Variants in SNX29 observed in about 807,000 individuals in gnomAD.
SNX29 encodes the protein sorting nexin 29.
Under a neutral mutation model 102.1 loss-of-function variants are expected in SNX29, and 78 were observed. That is an observed-to-expected ratio of 0.76 (90% CI 0.64 to 0.92). SNX29 has a LOEUF of 0.92. SNX29 is among the 40% of genes least tolerant of loss of function. SNX29 has a pLI of 0.00. For synonymous variants in SNX29, 580 were observed against 414.5 expected, an observed-to-expected ratio of 1.40 and a Z score of -4.85; for missense variants, 1,280 against 1,061.7, an observed-to-expected ratio of 1.21 and a Z score of -2.86.
intron 19 of SNX29, among the ~76,000 whole-genome samples, chr16:12,490,102 G>A (rs998428849): frequency 2.6e-5 from 4 of 152,064 alleles, no homozygotes; most frequent in African/African-American, 9.7e-5. Flanking sequence ...CACAACGCCA[G>A]GGCTTTTTTG....
intron 13 of SNX29, among the ~76,000 whole-genome samples, chr16:12,198,087 C>T (rs1256104761): frequency 2.0e-5 from 3 of 152,092 alleles, no homozygotes; most frequent in Non-Finnish European, 4.4e-5. Flanking sequence ...TTAAGTGAGA[C>T]GACCAGTCTC....
chr16:12,301,393 G>A (rs2080169004), intron 15 of SNX29, among the ~76,000 whole-genome samples: 1 of 152,114 alleles, frequency 6.6e-6, no homozygotes, highest in South Asian at 2.1e-4. Flanking sequence ...AAGGGCCAGG[G>A]TTACTCCACC....
chr16:12,162,482 G>A (rs1425498999), intron 13 of SNX29, among the ~76,000 whole-genome samples: 1 of 152,214 alleles, frequency 6.6e-6, no homozygotes, highest in East Asian at 1.9e-4. Flanking sequence ...ACTGAAGTCT[G>A]CTGTTGTAGC....
At chr16:12,474,448 G>A (rs549992937) in intron 18 of SNX29, among the ~76,000 whole-genome samples, 29 of 152,122 alleles carry the variant, frequency 1.9e-4, no homozygotes, top group Non-Finnish European at 4.4e-5. Flanking sequence ...CTGGGATTGC[G>A]CATGTGTGTT....
At chr16:12,399,652 CT>C (rs1179658882) in intron 17 of SNX29, among the ~76,000 whole-genome samples, 5 of 152,066 alleles carry the variant, frequency 3.3e-5, no homozygotes, top group Admixed American at 3.3e-4. Flanking sequence ...CCTTGCAGAG[CT>C]TGTGGTGGCG....
At chr16:12,558,236 C>CG (rs1026114654) in intron 20 of SNX29, among the ~76,000 whole-genome samples, 1 of 13,450 alleles carries the variant, frequency 7.4e-5, no homozygotes, top group Non-Finnish European at 3.9e-4. Context: ...CTTCAGCCCC[C>CG]CCAGTAGATG....
chr16:12,465,392 G>C (rs1315800011), intron 18 of SNX29, among the ~76,000 whole-genome samples: 1 of 152,002 alleles, frequency 6.6e-6, no homozygotes, highest in Non-Finnish European at 1.5e-5. Context: ...TTTTTATATG[G>C]TGTAAGACAA....
chr16:12,535,428 G>C (rs901496568), intron 20 of SNX29, among the ~76,000 whole-genome samples: 16 of 152,206 alleles, frequency 1.1e-4, no homozygotes, highest in Non-Finnish European at 1.9e-4. Context: ...CACTGCGCCT[G>C]GCCAGCTTTT....
chr16:12,233,198 T>A (rs2077822988), intron 14 of SNX29, among the ~76,000 whole-genome samples: 1 of 152,162 alleles, frequency 6.6e-6, no homozygotes. Context: ...CAGGTACCCA[T>A]CAATGGTAGA....
intron 13 of SNX29, among the ~76,000 whole-genome samples, chr16:12,143,016 A>G (rs1433113750): frequency 1.4e-5 from 2 of 146,548 alleles, no homozygotes; most frequent in African/African-American, 5.2e-5. Flanking sequence ...TTTTTTTTTG[A>G]GGCAGAGTTT....
chr16:12,481,513 GACACACAC>G (rs59650769), intron 19 of SNX29, among the ~76,000 whole-genome samples: 1,656 of 125,638 alleles, frequency 0.013, 37 homozygotes, highest in African/African-American at 0.048. Flanking sequence ...TATACATATA[GACACACAC>G]ACACACACAC....
chr16:12,041,690 T>G (rs1453377465), intron 4 of SNX29, among the ~76,000 whole-genome samples: 30 of 152,198 alleles, frequency 2.0e-4, no homozygotes, highest in Non-Finnish European at 1.3e-4. Flanking sequence ...TCCTCTTCTG[T>G]GTCAAGTTTC....
At chr16:12,352,478 G>T (rs2082016705) in intron 15 of SNX29, among the ~76,000 whole-genome samples, 1 of 152,058 alleles carries the variant, frequency 6.6e-6, no homozygotes, top group Admixed American at 6.6e-5. Context: ...TAACAAACCT[G>T]CACGTTGTGC....
chr16:12,470,171 C>T lies in SNX29; in HGVS notation c.2038-7548C>T, dbSNP rs961775086. ...TAGTTTTCACTCTTGAATATTACAACATGCAGAAAAAAGTATTTAGTTTTG... is the reference window on the plus strand; with the variant it reads ...TAGTTTTCACTCTTGAATATTACAATATGCAGAAAAAAGTATTTAGTTTTG... On this transcript the variant is annotated intron_variant, in intron 18 of 20. Transcript: ENST00000566228. 3.3e-5 allele frequency among the ~76,000 whole-genome samples: 5 copies of T among 152,308 alleles called. No individual in the cohort carries two copies. In the East Asian group the frequency reaches 9.6e-4, roughly 29 times the overall value.
At chr16:12,015,311 G>A (rs961782078) in intron 3 of SNX29, among the ~76,000 whole-genome samples, 6 of 151,856 alleles carry the variant, frequency 4.0e-5, no homozygotes, top group Non-Finnish European at 8.8e-5. Flanking sequence ...GCTGTAGTGC[G>A]ATCTCAGCTC....
At chr16:12,300,786 T>A (rs1196998660) in intron 15 of SNX29, among the ~76,000 whole-genome samples, 3 of 152,192 alleles carry the variant, frequency 2.0e-5, no homozygotes, top group Admixed American at 6.5e-5. Flanking sequence ...CGTAGCTGTT[T>A]GCTGTGGGAG....
In SNX29 at chr16:12,572,198, A is replaced by T; in HGVS notation, c.*3569A>T. The T allele has an allele frequency of 1.2e-5, 12 of 964,870 alleles. No individual in the cohort carries two copies. Among genetic ancestry groups the T allele is most frequent in the Middle Eastern group, 4.6e-4 (1 of 2,182 alleles). The allele number at this position is 964,870 out of a possible 1,614,324, so 59.8% of individuals were successfully genotyped here. On this transcript the variant is annotated 3_prime_UTR_variant, in exon 21 of 21. Transcript: ENST00000566228. ...ATTTCTTAGAACCATGGCAGGTAGT[A>T]TTGTGCTTTAAAAACCAGAGGCTCC... is the stretch of plus-strand genomic sequence containing the variant.
At chr16:12,173,392 CAG>C (rs1315156329) in intron 13 of SNX29, among the ~76,000 whole-genome samples, 1 of 152,196 alleles carries the variant, frequency 6.6e-6, no homozygotes, top group Non-Finnish European at 1.5e-5. Flanking sequence ...CAAGCAGGCA[CAG>C]ATACTGTATG....
chr16:12,444,563 G>A (rs1023167489), intron 18 of SNX29, among the ~76,000 whole-genome samples: 2 of 152,202 alleles, frequency 1.3e-5, no homozygotes, highest in African/African-American at 4.8e-5. Flanking sequence ...GGGTGTAGGG[G>A]GAATTCTTGT....
Sources: allele counts gnomAD v4.1 joint callset (sites outside exome capture counted in the v4.1 genomes callset), GRCh38; gene constraint gnomAD v4.1.1; transcripts MANE v1.5; gene names NCBI Gene and HGNC (gene_info 2026-07-23, HGNC 2026-07-21).